MYO18A: variants seen among roughly 807,000 people sequenced by gnomAD.
MYO18A encodes the protein unconventional myosin-XVIIIa.
MYO18A carries 78 observed loss-of-function variants against 235.8 expected under a neutral mutation model. The ratio of observed to expected loss-of-function variants is 0.33; its 90% CI spans 0.28 to 0.40. The LOEUF (loss-of-function observed/expected upper bound fraction) is 0.40. MYO18A is among the 10% of genes least tolerant of loss of function. The probability of loss-of-function intolerance (pLI) is 1.00; values close to 1 mark genes in which losing one functional copy is unlikely to be tolerated. For missense variants in MYO18A, 2,215 were observed against 2,699.3 expected (o/e 0.82, Z 3.98); for synonymous variants, 977 against 1,077.8 (o/e 0.91, Z 1.83).
At position 29,166,622 on chromosome 17, in the gene MYO18A, T is replaced by G. The variant is rs2068290940; in HGVS notation, c.319A>C (p.Lys107Gln). Reference protein sequence around the residue: ...LSTASSSDDLKGEEGSFRGSV... With the variant: ...LSTASSSDDLQGEEGSFRGSV... ...CCACGGAAGCTACCCTCCTCACCCT[T>G]GAGGTCATCGCTGGAGCTGGCTGTA... is the stretch of plus-strand genomic sequence containing the variant. The change falls in exon 2 of 42, where the codon AAG becomes CAG. Residue 107 changes from lysine (K) to glutamine (Q), a missense_variant. Coordinates refer to ENST00000527372, the MANE Select transcript of MYO18A (RefSeq NM_078471.4). The G allele has an allele frequency of 6.2e-7, 1 of 1,613,778 alleles. No individual in the cohort carries two copies. The highest frequency in any genetic ancestry group is 8.5e-7 in the Non-Finnish European group (1 of 1,179,850).
intron 2 of MYO18A, chr17:29,128,345 C>T: frequency 7.8e-7 from 1 of 1,277,358 alleles, no homozygotes; most frequent in South Asian, 1.3e-5. Context: ...CACCACCTTC[C>T]TCACTGCATT....
chr17:29,171,431 C>T (rs1046447211), intron 1 of MYO18A, among the ~76,000 whole-genome samples: 1 of 151,604 alleles, frequency 6.6e-6, no homozygotes, highest in African/African-American at 2.4e-5. Flanking sequence ...CAGAGCAAGA[C>T]CCCATCTCAA....
intron 19 of MYO18A, among the ~76,000 whole-genome samples, chr17:29,107,905 G>A (rs1239235828): frequency 7.3e-6 from 1 of 136,058 alleles, no homozygotes; most frequent in African/African-American, 3.0e-5. Flanking sequence ...GACAGAGCAA[G>A]ACTGTGTCTC....
chr17:29,099,112 C>T, intron 22 of MYO18A, 143 bp from the exon 23 acceptor site: 2 of 1,057,848 alleles, frequency 1.9e-6, no homozygotes, highest in East Asian at 4.8e-5. Flanking sequence ...TTCTCATGCT[C>T]CCCCTTGCCC....
rs536527670 is a variant in MYO18A at position 29,158,295 on chromosome 17, G to A, written c.999+7647C>T. Among the ~76,000 whole-genome samples the A allele has an allele frequency of 6.6e-5, 10 of 152,318 alleles. No individual in the cohort carries two copies. The highest frequency in any genetic ancestry group is 3.9e-4 in the East Asian group (2 of 5,178). ...GCCCTGATTCTGGAGAACATATGGC[G>A]GGAGATTAAGGGAGCCCGAGGGGTG... On this transcript the variant is annotated intron_variant, in intron 2 of 41. Transcript: ENST00000527372. The surrounding 1 kb of genome is among the most constrained non-coding windows in gnomAD (Gnocchi z 4.3).
intron 2 of MYO18A, among the ~76,000 whole-genome samples, chr17:29,144,995 A>C (rs1222203636): frequency 6.6e-6 from 1 of 152,202 alleles, no homozygotes; most frequent in Non-Finnish European, 1.5e-5. Flanking sequence ...AAACACACAA[A>C]ATATTATTTT....
chr17:29,078,121 AT>A (rs1462332975), intron 41 of MYO18A: 1 of 152,140 alleles, frequency 6.6e-6, no homozygotes, highest in Non-Finnish European at 1.5e-5. Flanking sequence ...GGTTCAAGCG[AT>A]TCTCCTGCCT....
intron 20 of MYO18A, among the ~76,000 whole-genome samples, chr17:29,103,998 C>A (rs1426601089): frequency 1.3e-5 from 2 of 152,204 alleles, no homozygotes; most frequent in South Asian, 2.1e-4. Flanking sequence ...GGGGAGAGGG[C>A]ATTTCAGGCA....
Position 29,158,460 on chromosome 17 carries a change from C to T in MYO18A, c.999+7482G>A, listed in dbSNP as rs2068105318. 6.6e-6 allele frequency among the ~76,000 whole-genome samples: 1 copy of T among 152,156 alleles called. No individual in the cohort carries two copies. Among genetic ancestry groups the T allele is most frequent in the South Asian group, 2.1e-4 (1 of 4,822 alleles). On this transcript the variant is annotated intron_variant, in intron 2 of 41. Transcript: ENST00000527372. This position sits in a 1 kb window ranked among gnomAD's most constrained non-coding sequence, Gnocchi z 4.3. ...TGCGGGACTCTTGAATTGGCTGCCC[C>T]CCATCAAACTGCACAGCAGAGGTGG... is the stretch of plus-strand genomic sequence containing the variant.
intron 2 of MYO18A, chr17:29,128,462 T>A: frequency 7.8e-7 from 1 of 1,289,328 alleles, no homozygotes; most frequent in Non-Finnish European, 1.0e-6. Flanking sequence ...CCTGGCTCTC[T>A]GGGAAGTCTC....
At chr17:29,112,499 GAGCTGCAGCT>G (rs1274563345) in intron 15 of MYO18A, among the ~76,000 whole-genome samples, 1 of 152,246 alleles carries the variant, frequency 6.6e-6, no homozygotes, top group Admixed American at 6.5e-5. Context: ...AACCACCACT[GAGCTGCAGCT>G]AGCTGCTCTC....
intron 19 of MYO18A, among the ~76,000 whole-genome samples, chr17:29,108,870 C>T (rs2066859248): frequency 6.6e-6 from 1 of 152,162 alleles, no homozygotes; most frequent in African/African-American, 2.4e-5. Context: ...CTGGCCTCAT[C>T]GATCTGCTTG....
intron 2 of MYO18A, among the ~76,000 whole-genome samples, chr17:29,154,121 TGCGCGCGCGTGC>T (rs1260728987): frequency 8.7e-5 from 13 of 149,106 alleles, no homozygotes; most frequent in African/African-American, 3.3e-4. Flanking sequence ...TGTGTGTGTG[TGCGCGCGCGTGC>T]GTGTGTATGT....
chr17:29,138,799 T>A (rs1280412076), intron 2 of MYO18A, among the ~76,000 whole-genome samples: 1 of 152,142 alleles, frequency 6.6e-6, no homozygotes, highest in Non-Finnish European at 1.5e-5. Context: ...AGCCCTCCAC[T>A]GCTCACTTTA....
rs2067294712 is a variant in MYO18A at position 29,125,301 on chromosome 17, G to A, written c.1000-3048C>T. Among the ~76,000 whole-genome samples, 2 of 152,068 alleles carry A rather than the reference G, an allele frequency of 1.3e-5. No homozygotes were observed. The highest frequency in any genetic ancestry group is 6.5e-5 in the Admixed American group (1 of 15,274). ...AGTCTAGAATCTCTTCCTCAACCCC[G>A]ACGTACCCTATAGCACTCCCACCTC... On this transcript the variant is annotated intron_variant, in intron 2 of 41. Coordinates refer to ENST00000527372, the MANE Select transcript of MYO18A (RefSeq NM_078471.4). This position sits in a 1 kb window ranked among gnomAD's most constrained non-coding sequence, Gnocchi z 5.1.
Position 29,125,252 on chromosome 17 carries a change from A to C in MYO18A, c.1000-2999T>G, listed in dbSNP as rs1440389094. On this transcript the variant is annotated intron_variant, in intron 2 of 41. Coordinates refer to ENST00000527372, the MANE Select transcript of MYO18A (RefSeq NM_078471.4). The surrounding 1 kb of genome is among the most constrained non-coding windows in gnomAD (Gnocchi z 5.1). ...AGAGCTGTCGCCCTGCACCTCTCATAGAACACAGCTCCCAGCAGCTTGCAG... is the reference window on the plus strand; with the variant it reads ...AGAGCTGTCGCCCTGCACCTCTCATCGAACACAGCTCCCAGCAGCTTGCAG... 6.6e-6 allele frequency among the ~76,000 whole-genome samples: 1 copy of C among 152,176 alleles called. No homozygotes were observed. Among genetic ancestry groups the C allele is most frequent in the Non-Finnish European group, 1.5e-5 (1 of 68,030 alleles).
chr17:29,135,241 C>T (rs1326759899), intron 2 of MYO18A, among the ~76,000 whole-genome samples: 1 of 152,134 alleles, frequency 6.6e-6, no homozygotes, highest in Non-Finnish European at 1.5e-5. Context: ...GCTGGGACTA[C>T]AGGTGTCCAC....
At chr17:29,108,801 T>C (rs1398171482) in intron 19 of MYO18A, among the ~76,000 whole-genome samples, 2 of 107,918 alleles carry the variant, frequency 1.9e-5, no homozygotes, top group Non-Finnish European at 3.7e-5. Context: ...TCTTAATTAA[T>C]CATCAGTGCT....
At chr17:29,123,644 G>A (rs925961075) in intron 2 of MYO18A, among the ~76,000 whole-genome samples, 3 of 152,198 alleles carry the variant, frequency 2.0e-5, no homozygotes, top group Admixed American at 6.5e-5. Flanking sequence ...CGGGTTTCAT[G>A]GACCCATGAA....
Sources: allele counts gnomAD v4.1 joint callset (sites outside exome capture counted in the v4.1 genomes callset), GRCh38; gene constraint gnomAD v4.1.1; non-coding constraint Gnocchi (gnomAD v3.1); transcripts MANE v1.5; gene names NCBI Gene and HGNC (gene_info 2026-07-23, HGNC 2026-07-21).